Variants in MAST4 observed in about 807,000 individuals in gnomAD.
MAST4 encodes microtubule-associated serine/threonine-protein kinase 4.
MAST4 carries 89 observed loss-of-function variants against 162.7 expected under a neutral mutation model. The observed-to-expected ratio is 0.55, with a 90% CI of 0.46 to 0.65. MAST4 has a LOEUF of 0.65. Among genes scored for constraint, MAST4 ranks in the 30% least tolerant of loss-of-function variants. The probability of loss-of-function intolerance (pLI) is 0.00; values close to 1 mark genes in which losing one functional copy is unlikely to be tolerated. For missense variants in MAST4, 3,153 were observed against 3,374.0 expected (o/e 0.93, Z 1.62); for synonymous variants, 1,479 against 1,361.1 (o/e 1.09, Z -1.91).
chr5:66,919,534 G>A (rs1262253241), intron 4 of MAST4, among the ~76,000 whole-genome samples: 1 of 151,744 alleles, frequency 6.6e-6, no homozygotes, highest in Non-Finnish European at 1.5e-5. Flanking sequence ...GGTGGCACAC[G>A]CCTGTAATCT....
chr5:66,934,143 A>G (rs1181688577), intron 4 of MAST4, among the ~76,000 whole-genome samples: 1 of 152,206 alleles, frequency 6.6e-6, no homozygotes, highest in Non-Finnish European at 1.5e-5. Flanking sequence ...CATATTAATG[A>G]TGATACTCTG....
chr5:67,150,602 C>A (rs1456836672), intron 24 of MAST4, among the ~76,000 whole-genome samples: 1 of 152,136 alleles, frequency 6.6e-6, no homozygotes, highest in Admixed American at 6.5e-5. Context: ...GGATATGGGC[C>A]AGTGCAGTTT....
rs145107922 is a variant in MAST4, at chr5:66,849,179, G to T, written c.643-50772G>T. 2.8e-3 allele frequency among the ~76,000 whole-genome samples: 433 copies of T among 152,286 alleles called. 1 individual carries two copies. The highest frequency in any genetic ancestry group is 9.7e-3 in the African/African-American group (405 of 41,562). On this transcript the variant is annotated intron_variant, in intron 3 of 28. Transcript: ENST00000403625. ...AACTGGGGTTCCATGTCTAGAGGCT[G>T]ACCCTGTGGCATTGTTGCAGAGCTG...
rs77618027 is a variant in MAST4, at chr5:66,676,733, G to A, written c.363+79715G>A. 6.0e-3 allele frequency among the ~76,000 whole-genome samples: 907 copies of A among 152,246 alleles called. 6 individuals are homozygous for A. Among genetic ancestry groups the A allele is most frequent in the African/African-American group, 0.021 (853 of 41,556 alleles). On this transcript the variant is annotated intron_variant, in intron 1 of 28. Coordinates refer to ENST00000403625, the MANE Select transcript of MAST4 (RefSeq NM_001164664.2). ...CTCTTTAGGAGTTTGTAGTTTTCACGTTAAAGGCATTTTATTTTAAACATA... is the reference window on the plus strand; with the variant it reads ...CTCTTTAGGAGTTTGTAGTTTTCACATTAAAGGCATTTTATTTTAAACATA...
chr5:66,618,041 G>GC (rs1271639913), intron 1 of MAST4, among the ~76,000 whole-genome samples: 6 of 151,548 alleles, frequency 4.0e-5, no homozygotes, highest in African/African-American at 1.5e-4. Flanking sequence ...AATGGGGGGG[G>GC]GGCCCTGATT....
intron 4 of MAST4, among the ~76,000 whole-genome samples, chr5:66,902,201 G>A (rs1021798595): frequency 1.3e-5 from 2 of 152,190 alleles, no homozygotes; most frequent in Middle Eastern, 3.4e-3. Context: ...TGCACATAGC[G>A]TGATGTATTT....
Position 67,166,603 on chromosome 5 carries a change from C to A in MAST4, c.7424C>A (p.Ala2475Asp). Residue 2475 changes from alanine (A) to aspartate (D), a missense_variant, in exon 29 of 29, where the codon GCC becomes GAC. By Grantham distance (126) the Ala-to-Asp change is moderately radical. Around this residue, in one of 7 missense-constraint regions of MAST4, gnomAD observed 1,644 missense variants for 1,495.0 expected, o/e 1.10. Transcript: ENST00000403625. ...GAAACCAGGGCCGGAGTTAGAGAGG[C>A]CTCTGCAGCCAGCAGCGACACCTCT... ...FPETRAGVRE[A>D]SAASSDTSSA... 6.2e-7 allele frequency: 1 copy of A among 1,601,058 alleles called. No individual in the cohort carries two copies. The highest frequency in any genetic ancestry group is 1.1e-5 in the South Asian group (1 of 88,650).
At chr5:66,934,750 C>G (rs1449238211) in intron 4 of MAST4, among the ~76,000 whole-genome samples, 2 of 152,080 alleles carry the variant, frequency 1.3e-5, no homozygotes, top group Admixed American at 1.3e-4. Context: ...TTAGCTGTGT[C>G]ATCTGCTACA....
chr5:66,841,510 G>A (rs913726599), intron 3 of MAST4, among the ~76,000 whole-genome samples: 1 of 152,148 alleles, frequency 6.6e-6, no homozygotes, highest in East Asian at 1.9e-4. Context: ...CTAAAATCAA[G>A]GTGCCAGCAG....
chr5:66,849,940 G>A (rs13169350), intron 3 of MAST4, among the ~76,000 whole-genome samples: 1,710 of 152,212 alleles, frequency 0.011, 9 homozygotes, highest in Middle Eastern at 0.017. Flanking sequence ...ATGTTAATGG[G>A]GTCCTTGGCA....
intron 4 of MAST4, among the ~76,000 whole-genome samples, chr5:66,919,678 A>G (rs1050673729): frequency 3.3e-4 from 50 of 151,544 alleles, no homozygotes; most frequent in African/African-American, 9.9e-4. Flanking sequence ...AAAAAAAAAA[A>G]AGAGAAAAAG....
intron 1 of MAST4, among the ~76,000 whole-genome samples, chr5:66,702,100 A>C (rs1159210446): frequency 2.0e-5 from 3 of 152,132 alleles, no homozygotes; most frequent in Admixed American, 6.5e-5. Flanking sequence ...TTCATGATAG[A>C]AAAAGTCTAT....
intron 4 of MAST4, chr5:66,917,219 T>C (rs1764172940): frequency 2.0e-6 from 1 of 512,236 alleles, no homozygotes; most frequent in East Asian, 2.9e-5. Flanking sequence ...TATTTTCATA[T>C]GTTTACTCTT....
chr5:66,717,952 C>T (rs1750947872), intron 1 of MAST4, among the ~76,000 whole-genome samples: 1 of 152,164 alleles, frequency 6.6e-6, no homozygotes, highest in South Asian at 2.1e-4. Context: ...CCTACCACCT[C>T]CCCACAGCTG....
intron 3 of MAST4, among the ~76,000 whole-genome samples, chr5:66,815,297 CAT>C (rs1452262784): frequency 1.3e-5 from 2 of 152,186 alleles, no homozygotes; most frequent in Non-Finnish European, 1.5e-5. Flanking sequence ...AAATTAGTAA[CAT>C]ATTCCCCCCT....
At chr5:66,888,129 TTAAG>T (rs1762157472) in intron 3 of MAST4, among the ~76,000 whole-genome samples, 2 of 152,358 alleles carry the variant, frequency 1.3e-5, no homozygotes, top group South Asian at 4.1e-4. Flanking sequence ...TCTTTACTTA[TTAAG>T]TGATATATAT....
intron 23 of MAST4, among the ~76,000 whole-genome samples, chr5:67,147,260 G>A (rs2151059253): frequency 6.6e-6 from 1 of 152,238 alleles, no homozygotes; most frequent in East Asian, 1.9e-4. Context: ...TTATAGCCAA[G>A]GGTAATTAGG....
intron 4 of MAST4, among the ~76,000 whole-genome samples, chr5:67,045,368 G>A (rs1490465148): frequency 1.3e-5 from 2 of 152,176 alleles, no homozygotes; most frequent in Non-Finnish European, 2.9e-5. Flanking sequence ...AATGACACGT[G>A]CTAATACTAT....
At chr5:67,161,899 T>C (rs1327168269) in intron 27 of MAST4, among the ~76,000 whole-genome samples, 2 of 152,218 alleles carry the variant, frequency 1.3e-5, no homozygotes, top group Non-Finnish European at 2.9e-5. Flanking sequence ...TTACCATATA[T>C]AGGCTTATAT....
Sources: allele counts gnomAD v4.1 joint callset (sites outside exome capture counted in the v4.1 genomes callset), GRCh38; gene constraint gnomAD v4.1.1; regional missense constraint gnomAD v4.1.1; transcripts MANE v1.5; gene names NCBI Gene and HGNC (gene_info 2026-07-23, HGNC 2026-07-21).